The following KCMF1 variants were observed in gnomAD, a reference collection of about 807,000 sequenced individuals.
The protein encoded by KCMF1 is potassium channel modulatory factor 1.
In KCMF1, 3 loss-of-function variants were observed where a neutral mutation model predicts 41.1. The ratio of observed to expected loss-of-function variants is 0.07; its 90% CI spans 0.03 to 0.19. The LOEUF (loss-of-function observed/expected upper bound fraction) is 0.19, where lower values mean the gene tolerates loss of function less well. Among genes scored for constraint, KCMF1 ranks in the 10% least tolerant of loss-of-function variants. The probability of loss-of-function intolerance (pLI) is 1.00; values close to 1 mark genes in which losing one functional copy is unlikely to be tolerated. For missense variants in KCMF1, 286 were observed against 488.9 expected (o/e 0.58, Z 3.91); for synonymous variants, 142 against 164.5 (o/e 0.86, Z 1.04).
chr2:85,046,307 A>C, intron 5 of KCMF1, 29 bp downstream of exon 5: 1 of 1,583,678 alleles, frequency 6.3e-7, no homozygotes, highest in South Asian at 1.1e-5. Context: ...AATAAGGGAA[A>C]TGGCAGGGGA....
chr2:85,018,046 C>G (rs1674827132), intron 1 of KCMF1, among the ~76,000 whole-genome samples: 1 of 152,044 alleles, frequency 6.6e-6, no homozygotes. Flanking sequence ...AGGTGGTTGT[C>G]AGATATACAC....
rs2104077515 is a variant in KCMF1, at chr2:85,056,478, C to T, written c.*3069C>T. The T allele has an allele frequency of 6.6e-6, 1 of 152,240 alleles. No individual in the cohort carries two copies. The highest frequency in any genetic ancestry group is 1.9e-4 in the East Asian group (1 of 5,186). 9.4% of individuals were successfully genotyped at this position (152,240 alleles called of 1,614,324 possible). A position where few individuals can be genotyped will look rare whatever the true frequency, so the allele number is the denominator to read the frequency against. ...CTTAGTTTCCAGGAAAAAAGCTAGG[C>T]TCCTCACTGCAAATATTAACGCTTT... On this transcript the variant is annotated 3_prime_UTR_variant, in exon 7 of 7. Coordinates refer to ENST00000409785, the MANE Select transcript of KCMF1 (RefSeq NM_020122.5).
At chr2:84,980,355 A>G (rs1227811721) in intron 1 of KCMF1, among the ~76,000 whole-genome samples, 1 of 152,196 alleles carries the variant, frequency 6.6e-6, no homozygotes. Flanking sequence ...CTGTAGCTAC[A>G]GGATGTTGGA....
intron 1 of KCMF1, among the ~76,000 whole-genome samples, chr2:84,984,981 G>A (rs527415198): frequency 3.3e-5 from 5 of 152,130 alleles, no homozygotes; most frequent in Admixed American, 2.0e-4. Context: ...CACCATGGCC[G>A]GCCAGAGTAT....
intron 3 of KCMF1, among the ~76,000 whole-genome samples, chr2:85,040,731 G>A (rs1675507686): frequency 6.6e-6 from 1 of 151,316 alleles, no homozygotes; most frequent in Non-Finnish European, 1.5e-5. Flanking sequence ...CTTCCACTTG[G>A]TTCTAAATCT....
chr2:84,971,579 G>C, intron 1 of KCMF1, 112 bp downstream of exon 1: 1 of 505,062 alleles, frequency 2.0e-6, no homozygotes, highest in Non-Finnish European at 2.7e-6. Context: ...CCGAGCCCGA[G>C]CCGGGCCCGA....
intron 3 of KCMF1, among the ~76,000 whole-genome samples, chr2:85,040,479 CAT>C (rs1675501702): frequency 6.6e-6 from 1 of 152,184 alleles, no homozygotes; most frequent in Non-Finnish European, 1.5e-5. Context: ...ACCTCTTTTC[CAT>C]TTCTCCTGCC....
intron 1 of KCMF1, chr2:84,971,820 G>T (rs1350742617): frequency 6.5e-6 from 1 of 152,908 alleles, no homozygotes; most frequent in Non-Finnish European, 1.5e-5. Context: ...CGGTTCAGGA[G>T]CCGCGGGCCC....
chr2:85,023,784 C>A (rs1675014865), intron 1 of KCMF1, among the ~76,000 whole-genome samples: 1 of 152,080 alleles, frequency 6.6e-6, no homozygotes, highest in Non-Finnish European at 1.5e-5. Flanking sequence ...AAAATATGAA[C>A]AAATTTTTCA....
At chr2:84,972,431 G>A (rs1039978322) in intron 1 of KCMF1, among the ~76,000 whole-genome samples, 1 of 152,198 alleles carries the variant, frequency 6.6e-6, no homozygotes, top group African/African-American at 2.4e-5. Flanking sequence ...TTGCCATATG[G>A]TTTAGAAAAG....
At chr2:84,982,929 C>T (rs56213927) in intron 1 of KCMF1, among the ~76,000 whole-genome samples, 13 of 152,128 alleles carry the variant, frequency 8.5e-5, no homozygotes, top group African/African-American at 3.1e-4. Flanking sequence ...TTTCTCTTCT[C>T]TAGGAAAACT....
At chr2:85,011,894 C>G (rs1217674581) in intron 1 of KCMF1, among the ~76,000 whole-genome samples, 8 of 152,142 alleles carry the variant, frequency 5.3e-5, no homozygotes, top group Admixed American at 5.2e-4. Context: ...ATGCCATTAG[C>G]CCTCCCTGTC....
In KCMF1 at chr2:85,055,480, C is replaced by T. The variant is rs529690127; in HGVS notation, c.*2071C>T. On this transcript the variant is annotated 3_prime_UTR_variant, in exon 7 of 7. Transcript: ENST00000409785. The stretch of plus-strand genomic sequence containing the variant: ...TTTTTAACATGGTTTTAGGGAACAA[C>T]TGTAAGTCCATTCAGAGCAGTTTAA... 2.6e-5 allele frequency: 4 copies of T among 152,256 alleles called. No homozygotes were observed. In the East Asian group the frequency reaches 7.7e-4, roughly 29 times the overall value. The allele number at this position is 152,256 out of a possible 1,614,324, so 9.4% of individuals were successfully genotyped here.
intron 2 of KCMF1, among the ~76,000 whole-genome samples, chr2:85,030,231 A>C (rs957455215): frequency 1.3e-5 from 2 of 151,208 alleles, no homozygotes; most frequent in African/African-American, 4.9e-5. Flanking sequence ...TTTATTCCTT[A>C]TGTAAGTTTT....
intron 1 of KCMF1, among the ~76,000 whole-genome samples, chr2:84,972,932 A>G (rs1482991526): frequency 6.6e-6 from 1 of 152,338 alleles, no homozygotes; most frequent in East Asian, 1.9e-4. Context: ...TGAAAGGGAC[A>G]CAGAAGTAGG....
chr2:84,991,424 C>T (rs1674041237), intron 1 of KCMF1, among the ~76,000 whole-genome samples: 1 of 152,194 alleles, frequency 6.6e-6, no homozygotes, highest in Non-Finnish European at 1.5e-5. Flanking sequence ...TGCTCAGCAG[C>T]AATATCATTA....
At chr2:85,027,675 C>T (rs377407367) in intron 1 of KCMF1, among the ~76,000 whole-genome samples, 36 of 152,242 alleles carry the variant, frequency 2.4e-4, no homozygotes, top group African/African-American at 7.7e-4. Flanking sequence ...TGCACCCAGC[C>T]TGTATCAGTC....
chr2:85,041,006 C>T (rs1433567658), intron 3 of KCMF1, among the ~76,000 whole-genome samples: 1 of 152,040 alleles, frequency 6.6e-6, no homozygotes, highest in Non-Finnish European at 1.5e-5. Context: ...GTGATCCACC[C>T]ACCTCAGCCT....
chr2:85,003,628 G>C (rs1003268781), intron 1 of KCMF1, among the ~76,000 whole-genome samples: 1 of 151,700 alleles, frequency 6.6e-6, no homozygotes, highest in Non-Finnish European at 1.5e-5. Flanking sequence ...TTGTTTGTTT[G>C]TTTTAAATAG....
Sources: allele counts gnomAD v4.1 joint callset (sites outside exome capture counted in the v4.1 genomes callset), GRCh38; gene constraint gnomAD v4.1.1; transcripts MANE v1.5; gene names NCBI Gene and HGNC (gene_info 2026-07-23, HGNC 2026-07-21).